Variants in VPS51 observed in about 807,000 individuals in gnomAD.
VPS51 encodes vacuolar protein sorting-associated protein 51 homolog.
In VPS51, 55 loss-of-function variants were observed where a neutral mutation model predicts 65.1. The ratio of observed to expected loss-of-function variants is 0.84; its 90% confidence interval spans 0.68 to 1.06. VPS51 has a LOEUF of 1.06. Among genes scored for constraint, VPS51 ranks in the 50% least tolerant of loss-of-function variants. The pLI, the probability that VPS51 is intolerant of heterozygous loss-of-function variation, is 0.00. For missense variants in VPS51, 943 were observed against 1,101.6 expected (o/e 0.86, Z 2.04); for synonymous variants, 473 against 489.5 (o/e 0.97, Z 0.44).
chr11:65,097,065 C>T lies in VPS51; in HGVS notation c.296C>T (p.Ala99Val). 1 of 1,614,042 alleles carries T rather than the reference C, an allele frequency of 6.2e-7. No individual in the cohort carries two copies. The highest frequency in any genetic ancestry group is 8.5e-7 in the Non-Finnish European group (1 of 1,180,016). Residue 99 changes from alanine to valine, a missense_variant, in exon 2 of 10, where the codon GCT (alanine) becomes GTT (valine). Ala to Val is a moderately conservative substitution (Grantham distance 64). Transcript: ENST00000279281. ...ACGGACATGGTGCGGCAGATCCGGG[C>T]TCTAGACAGCGACATGCAGACCCTG... is the stretch of plus-strand genomic sequence containing the variant. ...SETDMVRQIR[A>V]LDSDMQTLVY...
chr11:65,108,722 C>A lies in VPS51; in HGVS notation c.1251C>A (p.Ala417=). 2 of 1,609,358 alleles carry A rather than the reference C, an allele frequency of 1.2e-6. No individual in the cohort carries two copies. Among genetic ancestry groups the A allele is most frequent in the Non-Finnish European group, 1.7e-6 (2 of 1,179,294 alleles). Residue 417 remains alanine, a synonymous_variant, in exon 5 of 10, where the codon GCC becomes GCA. Coordinates refer to ENST00000279281, the MANE Select transcript of VPS51 (RefSeq NM_013265.4). ...LGHHLQGLRA[A]FLGCLTDVRQ... The stretch of plus-strand genomic sequence containing the variant: ...ACCACCTGCAGGGTCTCCGGGCGGC[C>A]TTCCTGGGCTGCCTGACAGACGTCC...
chr11:65,107,603 C>T lies in VPS51; in HGVS notation c.381C>T (p.Asn127=). 3.8e-6 allele frequency: 6 copies of T among 1,595,312 alleles called. No individual in the cohort carries two copies. Among genetic ancestry groups the T allele is most frequent in the South Asian group, 1.1e-5 (1 of 90,306 alleles). The change falls in exon 3 of 10, where the codon AAC becomes AAT. Residue 127 remains asparagine, a synonymous_variant. Coordinates refer to ENST00000279281, the MANE Select transcript of VPS51 (RefSeq NM_013265.4). This position sits in a 1 kb window ranked among gnomAD's most constrained non-coding sequence, Gnocchi z 4.0. Reference sequence around the variant, plus strand: ...TAGACACCATCCGGAAGATGAAGAACGATTTCCGGAAGATGGAGGATGAGA... The same window carrying T: ...TAGACACCATCCGGAAGATGAAGAATGATTTCCGGAAGATGGAGGATGAGA... The part of the protein sequence containing the change: ...SATDTIRKMK[N]DFRKMEDEMD...
intron 2 of VPS51, among the ~76,000 whole-genome samples, chr11:65,105,002 A>G (rs1305731789): frequency 1.3e-5 from 2 of 152,184 alleles, no homozygotes; most frequent in African/African-American, 2.4e-5. Flanking sequence ...CATTTCATCC[A>G]TAGAATTCAC....
At chr11:65,102,739 T>G (rs1199543273) in intron 2 of VPS51, among the ~76,000 whole-genome samples, 1 of 152,234 alleles carries the variant, frequency 6.6e-6, no homozygotes, top group Non-Finnish European at 1.5e-5. Context: ...CTTAGATCAG[T>G]AGCCCATGAT....
In VPS51 at chr11:65,111,718, G is replaced by C. The variant is rs1947905576; in HGVS notation, c.*131G>C. ...CATGTGTGGCCTCCTCCTCTCGCTT[G>C]CTGGGCGGGCCTTTCCGGGGGCGGG... On this transcript the variant is annotated 3_prime_UTR_variant, in exon 10 of 10. Transcript: ENST00000279281. 3 of 1,382,896 alleles carry C rather than the reference G, an allele frequency of 2.2e-6. No homozygotes were observed. The highest frequency in any genetic ancestry group is 2.6e-4 in the Middle Eastern group (1 of 3,822). The allele number at this position is 1,382,896 out of a possible 1,614,324, so 85.7% of individuals were successfully genotyped here.
chr11:65,109,079 C>A, intron 5 of VPS51, 165 bp downstream of exon 5: 1 of 1,059,044 alleles, frequency 9.4e-7, no homozygotes, highest in South Asian at 1.5e-5. Context: ...TGCAGCTGGG[C>A]TGAGAAGCAG....
Position 65,107,538 on chromosome 11 carries a change from G to A in VPS51, c.359-43G>A. 1 of 1,547,990 alleles carries A rather than the reference G, an allele frequency of 6.5e-7. No individual in the cohort carries two copies. The highest frequency in any genetic ancestry group is 1.2e-5 in the South Asian group (1 of 81,604). On this transcript the variant is annotated intron_variant, in intron 2 of 9. Transcript: ENST00000279281. This position sits in a 1 kb window ranked among gnomAD's most constrained non-coding sequence, Gnocchi z 4.0. Reference sequence around the variant, plus strand: ...AAGGAGCTGAGGTTGCGCCCGCCCTGCAGTCACCTGCTCTCCCCTTTTCCC... The same window carrying A: ...AAGGAGCTGAGGTTGCGCCCGCCCTACAGTCACCTGCTCTCCCCTTTTCCC...
chr11:65,108,877 C>T lies in VPS51; in HGVS notation c.1406C>T (p.Ala469Val), dbSNP rs1284104629. 1 of 1,613,060 alleles carries T rather than the reference C, an allele frequency of 6.2e-7. No individual in the cohort carries two copies. Among genetic ancestry groups the T allele is most frequent in the Admixed American group, 1.7e-5 (1 of 60,028 alleles). The change falls in exon 5 of 10, where the codon GCC (alanine) becomes GTC (valine). Residue 469 changes from alanine (A) to valine (V), a missense_variant. Transcript: ENST00000279281. ...ASLAAVHLFT[A>V]KEVSFSNKPY... Reference sequence around the variant, plus strand: ...CTGGCAGCAGTGCACCTTTTCACCGCCAAAGAGGTGTCCTTCTCCAACAAG... The same window carrying T: ...CTGGCAGCAGTGCACCTTTTCACCGTCAAAGAGGTGTCCTTCTCCAACAAG...
rs1165483587 is a variant in VPS51 at position 65,108,370 on chromosome 11, TGTTAGA to T, written c.903_908del (p.Leu301_Glu302del). 1 of 1,612,160 alleles carries T rather than the reference TGTTAGA, an allele frequency of 6.2e-7. No individual in the cohort carries two copies. Among genetic ancestry groups the T allele is most frequent in the Admixed American group, 1.7e-5 (1 of 60,000 alleles). ...GGGCCCTCACCTCCGGCTCCCGACG[TGTTAGA>T]GTTCACCGACCATGGAGGCAGTGGC... On this transcript the variant is annotated inframe_deletion, in exon 5 of 10. Coordinates refer to ENST00000279281, the MANE Select transcript of VPS51 (RefSeq NM_013265.4).
At chr11:65,096,512 A>AGGGGGGGGGT in intron 1 of VPS51, 34 bp downstream of exon 1, 1 of 440,860 alleles carries the variant, frequency 2.3e-6, no homozygotes, top group Non-Finnish European at 3.9e-6. Context: ...GGGTGCGGGG[A>AGGGGGGGGGT]GGGGGGAAGG....
At position 65,107,383 on chromosome 11, in the gene VPS51, C is replaced by T; in HGVS notation, c.359-198C>T. ...GGTTACGGGGAGTATGTGAGTAACG[C>T]CTGCTTTGGGAACATAAACCCCCTC... is the stretch of plus-strand genomic sequence containing the variant. On this transcript the variant is annotated intron_variant, in intron 2 of 9. Transcript: ENST00000279281. This position sits in a 1 kb window ranked among gnomAD's most constrained non-coding sequence, Gnocchi z 4.0. 1.5e-6 allele frequency: 1 copy of T among 668,366 alleles called. No homozygotes were observed. Among genetic ancestry groups the T allele is most frequent in the Non-Finnish European group, 2.6e-6 (1 of 388,332 alleles). 41.4% of individuals were successfully genotyped at this position (668,366 alleles called of 1,614,324 possible).
chr11:65,110,155 T>A (rs1227660392), intron 7 of VPS51: 1 of 622,226 alleles, frequency 1.6e-6, no homozygotes, highest in Non-Finnish European at 2.8e-6. Context: ...ATGTCCACGG[T>A]CTTGTTCCTT....
Position 65,107,395 on chromosome 11 carries a change from A to G in VPS51, c.359-186A>G. The G allele has an allele frequency of 1.5e-6, 1 of 659,804 alleles. No individual in the cohort carries two copies. The highest frequency in any genetic ancestry group is 1.8e-5 in the South Asian group (1 of 54,330). 40.9% of individuals were successfully genotyped at this position (659,804 alleles called of 1,614,324 possible). A position where few individuals can be genotyped will look rare whatever the true frequency, so the allele number is the denominator to read the frequency against. ...TATGTGAGTAACGCCTGCTTTGGGA[A>G]CATAAACCCCCTCCCCCGCCCCCAT... On this transcript the variant is annotated intron_variant, in intron 2 of 9. Coordinates refer to ENST00000279281, the MANE Select transcript of VPS51 (RefSeq NM_013265.4). The surrounding 1 kb of genome is among the most constrained non-coding windows in gnomAD (Gnocchi z 4.0).
At chr11:65,109,037 CGGTCTGGGG>C (rs1205368983) in intron 5 of VPS51, 123 bp downstream of exon 5, 3 of 1,251,800 alleles carry the variant, frequency 2.4e-6, no homozygotes. Flanking sequence ...TTCTTATGCA[CGGTCTGGGG>C]GGTGGGGAAG....
Position 65,108,885 on chromosome 11 carries a change from G to T in VPS51, c.1414G>T (p.Val472Leu), listed in dbSNP as rs1947866132. 1 of 1,613,070 alleles carries T rather than the reference G, an allele frequency of 6.2e-7. No individual in the cohort carries two copies. The change falls in exon 5 of 10, where the codon GTG becomes TTG. Residue 472 changes from valine to leucine, a missense_variant. Val to Leu is a conservative substitution (Grantham distance 32). This residue lies in a region of VPS51 where 855 missense variants were observed against 953.7 expected (regional missense o/e 0.90). Coordinates refer to ENST00000279281, the MANE Select transcript of VPS51 (RefSeq NM_013265.4). ...AAVHLFTAKE[V>L]SFSNKPYFRG... ...AGTGCACCTTTTCACCGCCAAAGAGGTGTCCTTCTCCAACAAGCCCTACTT... is the reference window on the plus strand; with the variant it reads ...AGTGCACCTTTTCACCGCCAAAGAGTTGTCCTTCTCCAACAAGCCCTACTT...
chr11:65,110,369 T>A, intron 7 of VPS51, 113 bp from the exon 8 acceptor site: 1 of 1,567,194 alleles, frequency 6.4e-7, no homozygotes, highest in Non-Finnish European at 8.7e-7. Flanking sequence ...CCGCGGTGAT[T>A]ACCCTGTGAT....
intron 2 of VPS51, among the ~76,000 whole-genome samples, chr11:65,097,770 T>A (rs896566360): frequency 6.6e-6 from 1 of 151,836 alleles, no homozygotes; most frequent in Non-Finnish European, 1.5e-5. Flanking sequence ...GGAGGGAGGA[T>A]CACATGAGCC....
Position 65,109,766 on chromosome 11 carries a change from G to A in VPS51, c.1721G>A (p.Arg574Gln), listed in dbSNP as rs375386887. The A allele has an allele frequency of 1.6e-5, 25 of 1,600,974 alleles. No homozygotes were observed. Among genetic ancestry groups the A allele is most frequent in the Non-Finnish European group, 1.9e-5 (22 of 1,174,668 alleles). The change falls in exon 7 of 10, where the codon CGG (arginine) becomes CAG (glutamine). Residue 574 changes from arginine (R) to glutamine (Q), a missense_variant. Physicochemically the swap from Arg to Gln is conservative, Grantham distance 43. This residue lies in a region of VPS51 where 855 missense variants were observed against 953.7 expected (regional missense o/e 0.90). Transcript: ENST00000279281. ...LCAEARETAR[R>Q]LLTHYVKVQG... ...GCAGAGGCCAGGGAAACGGCGCGGC[G>A]GCTGCTGACCCACTACGTGAAGGTG...
intron 2 of VPS51, among the ~76,000 whole-genome samples, chr11:65,103,794 A>G (rs1947824353): frequency 6.6e-6 from 1 of 152,164 alleles, no homozygotes; most frequent in Non-Finnish European, 1.5e-5. Context: ...ATCAGTTTGC[A>G]TAACCACCAG....
Sources: allele counts gnomAD v4.1 joint callset (sites outside exome capture counted in the v4.1 genomes callset), GRCh38; gene constraint gnomAD v4.1.1; regional missense constraint gnomAD v4.1.1; non-coding constraint Gnocchi (gnomAD v3.1); transcripts MANE v1.5; gene names NCBI Gene and HGNC (gene_info 2026-07-23, HGNC 2026-07-21).